MYOF: variants seen among roughly 807,000 people sequenced by gnomAD.
The protein encoded by MYOF is fer-1-like 3, myoferlin.
MYOF carries 244 observed loss-of-function variants against 284.2 expected under a neutral mutation model. The ratio of observed to expected loss-of-function variants is 0.86; its 90% CI spans 0.77 to 0.95. The LOEUF is 0.95. Among genes scored for constraint, MYOF ranks in the 40% least tolerant of loss-of-function variants. MYOF has a pLI of 0.00. For missense variants in MYOF, 2,496 were observed against 2,560.6 expected (o/e 0.97, Z 0.54); for synonymous variants, 904 against 919.7 (o/e 0.98, Z 0.31).
intron 7 of MYOF, among the ~76,000 whole-genome samples, 194 bp downstream of exon 7, chr10:93,408,593 G>A (rs1847741309): frequency 6.6e-6 from 1 of 151,722 alleles, no homozygotes; most frequent in South Asian, 2.1e-4. Context: ...TCCAATAGCA[G>A]AAGTGGGTTT....
chr10:93,312,992 T>G, intron 51 of MYOF, 28 bp downstream of exon 51: 1 of 1,578,584 alleles, frequency 6.3e-7, no homozygotes, highest in South Asian at 1.2e-5. Context: ...ATAAACGATT[T>G]TCAACCAGAA....
At chr10:93,421,253 GA>G (rs995135742) in intron 5 of MYOF, among the ~76,000 whole-genome samples, 57 of 152,170 alleles carry the variant, frequency 3.7e-4, no homozygotes, top group African/African-American at 1.2e-3. Context: ...TAATTGAAGG[GA>G]AAAAAAGCAA....
chr10:93,319,963 C>T lies in MYOF; in HGVS notation c.5507G>A (p.Arg1836Lys). The T allele has an allele frequency of 6.2e-7, 1 of 1,614,170 alleles. No homozygotes were observed. The highest frequency in any genetic ancestry group is 2.2e-5 in the East Asian group (1 of 44,890). ...AAAATTCCCTTCACCATCCAAAGAT[C>T]TGTAATGGACATCTGTTTTCTGTTT... is the stretch of plus-strand genomic sequence containing the variant. The part of the protein sequence containing the change: ...ENKQKTDVHY[R>K]SLDGEGNFNW... Residue 1836 changes from arginine to lysine, a missense_variant, in exon 49 of 54, where the codon AGA becomes AAA. This residue lies in a region of MYOF where 2,436 missense variants were observed against 2,480.7 expected (regional missense o/e 0.98). Coordinates refer to ENST00000359263, the MANE Select transcript of MYOF (RefSeq NM_013451.4).
rs71028899 is a variant in MYOF, at chr10:93,307,188, A to ACC, written c.6148-189_6148-188dup. Among the ~76,000 whole-genome samples the ACC allele has an allele frequency of 2.9e-3, 325 of 112,048 alleles. 2 individuals are homozygous for ACC. The highest frequency in any genetic ancestry group is 7.5e-3 in the African/African-American group (244 of 32,520). 73.5% of individuals were successfully genotyped at this position (112,048 alleles called of 152,430 possible). On this transcript the variant is annotated intron_variant, in intron 53 of 53. Transcript: ENST00000359263. Reference sequence around the variant, plus strand: ...CCTCTACCCACCGAGTGCCAGTAGCACCCCCCCGCCAAGTTGTTGCAACCA... The same window carrying ACC: ...CCTCTACCCACCGAGTGCCAGTAGCACCCCCCCCCGCCAAGTTGTTGCAACCA...
At chr10:93,328,553 A>G (rs185984958) in intron 45 of MYOF, among the ~76,000 whole-genome samples, 2 of 152,262 alleles carry the variant, frequency 1.3e-5, no homozygotes, top group Non-Finnish European at 2.9e-5. Context: ...TAATCTAAAA[A>G]GGGCAAGTGA....
chr10:93,360,018 A>G, intron 28 of MYOF, 40 bp from the exon 29 acceptor site: 2 of 1,612,268 alleles, frequency 1.2e-6, no homozygotes, highest in Non-Finnish European at 1.7e-6. Flanking sequence ...GAAGAGATGC[A>G]TTTGCCAGAT....
chr10:93,423,525 GAAAAAAA>G (rs59012520), intron 5 of MYOF, among the ~76,000 whole-genome samples: 1 of 14,872 alleles, frequency 6.7e-5, no homozygotes, highest in Non-Finnish European at 1.3e-4. Flanking sequence ...GACTCCATCT[GAAAAAAA>G]AAAAAAAAAA....
At chr10:93,456,839 T>C in intron 2 of MYOF, 43 bp downstream of exon 2, 2 of 1,422,876 alleles carry the variant, frequency 1.4e-6, no homozygotes, top group Non-Finnish European at 2.0e-6. Flanking sequence ...CAATCAGAAA[T>C]AGCTTATCTA....
chr10:93,332,172 C>G (rs564092851), intron 43 of MYOF, among the ~76,000 whole-genome samples: 3 of 151,988 alleles, frequency 2.0e-5, no homozygotes, highest in South Asian at 4.2e-4. Context: ...CAGACCGTGG[C>G]GTGCCACACA....
Position 93,389,042 on chromosome 10 carries a change from C to T in MYOF, c.1569G>A (p.Leu523=). 1.2e-6 allele frequency: 2 copies of T among 1,613,440 alleles called. No homozygotes were observed. Among genetic ancestry groups the T allele is most frequent in the Non-Finnish European group, 1.7e-6 (2 of 1,179,792 alleles). ...YTGFPDPYDE[L]NTGKGEGVAY... is the part of the protein sequence containing the mutation. ...TTGAGAAACCAACCTTTCCAGTATT[C>T]AGCTCATCATAGGGGTCTGGGAATC... Residue 523 remains leucine (L), a synonymous_variant, in exon 18 of 54, where the codon CTG becomes CTA. Coordinates refer to ENST00000359263, the MANE Select transcript of MYOF (RefSeq NM_013451.4).
intron 22 of MYOF, among the ~76,000 whole-genome samples, chr10:93,376,617 T>TAAAG (rs1845848863): frequency 6.6e-6 from 1 of 152,152 alleles, no homozygotes; most frequent in Admixed American, 6.5e-5. Flanking sequence ...GTGTGGGGAA[T>TAAAG]AAAGGCCTTT....
chr10:93,351,774 G>T lies in MYOF; in HGVS notation c.3554C>A (p.Thr1185Lys), dbSNP rs762887126. 1.9e-6 allele frequency: 3 copies of T among 1,602,898 alleles called. No individual in the cohort carries two copies. The highest frequency in any genetic ancestry group is 2.3e-5 in the South Asian group (2 of 88,178). The change falls in exon 33 of 54, where the codon ACG (threonine) becomes AAG (lysine). Residue 1185 changes from threonine to lysine, a missense_variant. By Grantham distance (78) the Thr-to-Lys change is moderately conservative. Coordinates refer to ENST00000359263, the MANE Select transcript of MYOF (RefSeq NM_013451.4). ...TEIIHSTLNP[T>K]WDQTIIFDEV... ...ATCGAATATAATTGTTTGGTCCCACGTGGGATTCAGGGTTGAATGGATGAT... is the reference window on the plus strand; with the variant it reads ...ATCGAATATAATTGTTTGGTCCCACTTGGGATTCAGGGTTGAATGGATGAT...
At chr10:93,448,994 CA>C (rs1406914845) in intron 3 of MYOF, among the ~76,000 whole-genome samples, 1 of 149,566 alleles carries the variant, frequency 6.7e-6, no homozygotes, top group African/African-American at 2.5e-5. Context: ...GACTCTGTCT[CA>C]AAAAAAAAGC....
At position 93,364,086 on chromosome 10, in the gene MYOF, G is replaced by C. The variant is rs1392074377; in HGVS notation, c.2754-11C>G. 1 of 1,612,526 alleles carries C rather than the reference G, an allele frequency of 6.2e-7. No homozygotes were observed. The highest frequency in any genetic ancestry group is 1.7e-5 in the Admixed American group (1 of 59,974). On this transcript the variant is annotated splice_polypyrimidine_tract_variant and intron_variant, in intron 26 of 53. Coordinates refer to ENST00000359263, the MANE Select transcript of MYOF (RefSeq NM_013451.4). Reference sequence around the variant, plus strand: ...GCCTCAGTCAGCAAGCTGTGGGGCGGGGAGGGCTCAAGTTACCCAAGGAGA... The same window carrying C: ...GCCTCAGTCAGCAAGCTGTGGGGCGCGGAGGGCTCAAGTTACCCAAGGAGA...
chr10:93,360,513 C>T (rs551746268), intron 28 of MYOF, among the ~76,000 whole-genome samples: 28 of 152,288 alleles, frequency 1.8e-4, no homozygotes, highest in African/African-American at 5.5e-4. Context: ...TCAATGCTAA[C>T]GATTATTCTG....
intron 24 of MYOF, 52 bp from the exon 25 acceptor site, chr10:93,369,828 T>A: frequency 1.9e-6 from 3 of 1,603,298 alleles, no homozygotes; most frequent in Non-Finnish European, 2.6e-6. Context: ...GCAAAGACTG[T>A]GACATTAAGT....
chr10:93,376,090 A>T (rs964826156), intron 22 of MYOF, among the ~76,000 whole-genome samples: 4 of 152,248 alleles, frequency 2.6e-5, no homozygotes, highest in Non-Finnish European at 5.9e-5. Flanking sequence ...AAGTTTAGAA[A>T]GATTCCAATT....
At position 93,389,125 on chromosome 10, in the gene MYOF, C is replaced by G; in HGVS notation, c.1486G>C (p.Val496Leu). 1 of 1,614,074 alleles carries G rather than the reference C, an allele frequency of 6.2e-7. No homozygotes were observed. Among genetic ancestry groups the G allele is most frequent in the African/African-American group, 1.3e-5 (1 of 75,048 alleles). Residue 496 changes from valine to leucine, a missense_variant, in exon 18 of 54, where the codon GTT becomes CTT. By Grantham distance (32) the Val-to-Leu change is conservative. Coordinates refer to ENST00000359263, the MANE Select transcript of MYOF (RefSeq NM_013451.4). ...AGGTAACAAGGTCCAAACGTTGGAA[C>G]AAAGCCTACCTCTGTTTCTCCTGTG... Reference protein sequence around the residue: ...VNTGETEVGFVPTFGPCYLNL... With the variant: ...VNTGETEVGFLPTFGPCYLNL...
At chr10:93,340,958 C>T (rs1843875147) in intron 38 of MYOF, among the ~76,000 whole-genome samples, 4 of 152,144 alleles carry the variant, frequency 2.6e-5, no homozygotes, top group Admixed American at 2.0e-4. Flanking sequence ...CTGAAGGGCT[C>T]TTCCTCCGGT....
Sources: gnomAD v4.1 joint callset for allele counts (sites outside exome capture counted in the v4.1 genomes callset) on GRCh38, gnomAD v4.1.1 for gene constraint, gnomAD v4.1.1 regional missense constraint, MANE v1.5 for transcripts, NCBI Gene and HGNC (gene_info 2026-07-23, HGNC 2026-07-21) for gene names.